Variants in BRF1 observed in about 807,000 individuals in gnomAD.
The protein encoded by BRF1 is transcription factor IIIB 90 kDa subunit.
In BRF1, 59 loss-of-function variants were observed where a neutral mutation model predicts 81.7. The ratio of observed to expected loss-of-function variants is 0.72; its 90% CI spans 0.59 to 0.90. The LOEUF is 0.90. Among genes scored for constraint, BRF1 ranks in the 40% least tolerant of loss-of-function variants. The probability of loss-of-function intolerance (pLI) is 0.00; values close to 1 mark genes in which losing one functional copy is unlikely to be tolerated. For missense variants in BRF1, 1,050 were observed against 936.3 expected, an observed-to-expected ratio of 1.12 and a Z score of -1.58; for synonymous variants, 491 against 395.6, an observed-to-expected ratio of 1.24 and a Z score of -2.86.
Position 105,286,444 on chromosome 14 carries a change from T to C in BRF1, c.185-68A>G. 7.4e-6 allele frequency: 11 copies of C among 1,482,764 alleles called. No individual in the cohort carries two copies. In the South Asian group the frequency reaches 1.3e-4, roughly 18 times the overall value. The allele number at this position is 1,482,764 out of a possible 1,614,324, so 91.9% of individuals were successfully genotyped here. A position where few individuals can be genotyped will look rare whatever the true frequency, so the allele number is the denominator to read the frequency against. On this transcript the variant is annotated intron_variant, in intron 1 of 17. Coordinates refer to ENST00000547530, the MANE Select transcript of BRF1 (RefSeq NM_001519.4). Reference sequence around the variant, plus strand: ...CTGCATTTACAACCCTTTCCTAACATCCACAGACACAAAGTGAGAACAAAG... The same window carrying C: ...CTGCATTTACAACCCTTTCCTAACACCCACAGACACAAAGTGAGAACAAAG...
Position 105,271,862 on chromosome 14 carries a change from C to A in BRF1, c.439+859G>T, listed in dbSNP as rs1486111946. On this transcript the variant is annotated intron_variant, in intron 3 of 17. Coordinates refer to ENST00000547530, the MANE Select transcript of BRF1 (RefSeq NM_001519.4). The surrounding 1 kb of genome is among the most constrained non-coding windows in gnomAD (Gnocchi z 5.5). ...AGCCTCCCCGCCCACCGCCTGCAGT[C>A]ACGGTGTCCACGCACAAGGCCAAGC... Among the ~76,000 whole-genome samples the A allele has an allele frequency of 6.7e-6, 1 of 149,130 alleles. No individual in the cohort carries two copies. Among genetic ancestry groups the A allele is most frequent in the Non-Finnish European group, 1.5e-5 (1 of 67,168 alleles).
intron 2 of BRF1, among the ~76,000 whole-genome samples, chr14:105,273,310 C>T (rs1453349461): frequency 6.6e-6 from 1 of 152,234 alleles, no homozygotes; most frequent in Non-Finnish European, 1.5e-5. Context: ...CCTTCCCCAA[C>T]CGCACAGAGT....
At chr14:105,270,706 G>C (rs2056618352) in intron 3 of BRF1, among the ~76,000 whole-genome samples, 1 of 151,790 alleles carries the variant, frequency 6.6e-6, no homozygotes, top group Non-Finnish European at 1.5e-5. Context: ...CACAAGAATT[G>C]CTTGAACCTG....
At chr14:105,227,196 A>C (rs1313222876) in intron 7 of BRF1, 1 of 192,068 alleles carries the variant, frequency 5.2e-6, no homozygotes, top group Non-Finnish European at 1.0e-5. Context: ...AAGTGGTAGG[A>C]TCACCTGAGG....
rs1240586933 is a variant in BRF1, at chr14:105,212,250, C to T, written c.1773-86G>A. 4.6e-6 allele frequency: 7 copies of T among 1,515,516 alleles called. 1 individual carries two copies. In the South Asian group the frequency reaches 8.5e-5, roughly 18 times the overall value. 93.9% of individuals were successfully genotyped at this position (1,515,516 alleles called of 1,614,324 possible). On this transcript the variant is annotated intron_variant, in intron 15 of 17. Transcript: ENST00000547530. ...TTCCCTTTTGCCCATCTTCCCTTTC[C>T]CAGTGTTAATTGACTGTTTCTCTGT... is the stretch of plus-strand genomic sequence containing the variant.
rs1219924443 is a variant in BRF1, at chr14:105,249,627, C to T, written c.544+2880G>A. 7.5e-6 allele frequency: 12 copies of T among 1,598,498 alleles called. No individual in the cohort carries two copies. In the Admixed American group the frequency reaches 1.7e-4, roughly 23 times the overall value. On this transcript the variant is annotated intron_variant, in intron 5 of 17. Transcript: ENST00000547530. The stretch of plus-strand genomic sequence containing the variant: ...TGGGAGCCAGCCCCTGACGCGGGCC[C>T]TGCCTCGCCTAGGTACATGTACAGT...
At chr14:105,252,272 T>C (rs144109010) in intron 5 of BRF1, 297 of 698,574 alleles carry the variant, frequency 4.3e-4, no homozygotes, top group Non-Finnish European at 5.1e-4. Flanking sequence ...GCCAGGAGTT[T>C]GAGGCTGCAG....
At chr14:105,290,270 T>C (rs982760432) in intron 1 of BRF1, among the ~76,000 whole-genome samples, 3 of 151,944 alleles carry the variant, frequency 2.0e-5, no homozygotes, top group African/African-American at 7.2e-5. Flanking sequence ...AAATATGAAA[T>C]TACCCAGGCA....
rs374999456 is a variant in BRF1 at position 105,220,135 on chromosome 14, A to C, written c.1316-5T>G. Reference sequence around the variant, plus strand: ...CACCGTCTCCTGAAGCATCTTCTGGAGGGAAGCACAGCATCCGCGTCACTC... The same window carrying C: ...CACCGTCTCCTGAAGCATCTTCTGGCGGGAAGCACAGCATCCGCGTCACTC... On this transcript the variant is annotated splice_region_variant and splice_polypyrimidine_tract_variant and intron_variant, in intron 11 of 17. Transcript: ENST00000547530. 1.9e-6 allele frequency: 3 copies of C among 1,613,252 alleles called. No individual in the cohort carries two copies. The African/African-American group carries it at 4.0e-5, about 22-fold the overall frequency.
intron 4 of BRF1, among the ~76,000 whole-genome samples, chr14:105,254,280 G>A (rs894297912): frequency 1.3e-5 from 2 of 152,078 alleles, no homozygotes; most frequent in Admixed American, 6.6e-5. Flanking sequence ...TTTTTGAGAC[G>A]GAGTCTTGCT....
chr14:105,214,291 A>G (rs1399227334), intron 15 of BRF1, among the ~76,000 whole-genome samples: 1 of 152,250 alleles, frequency 6.6e-6, no homozygotes, highest in African/African-American at 2.4e-5. Flanking sequence ...TGGGACGCTC[A>G]GGCATGAGGA....
At chr14:105,212,196 G>A in intron 15 of BRF1, 32 bp from the exon 16 acceptor site, 2 of 1,603,612 alleles carry the variant, frequency 1.2e-6, no homozygotes, top group Non-Finnish European at 1.7e-6. Flanking sequence ...GGCGGCCTCA[G>A]CCCAGGCTCC....
chr14:105,225,524 A>C (rs1356986816), intron 10 of BRF1, among the ~76,000 whole-genome samples: 3 of 152,208 alleles, frequency 2.0e-5, no homozygotes, highest in African/African-American at 7.2e-5. Context: ...TTCCAACCTG[A>C]CTCTAGTACA....
chr14:105,272,734 C>T lies in BRF1; in HGVS notation c.426G>A (p.Thr142=), dbSNP rs905891753. The change falls in exon 3 of 18, where the codon ACG becomes ACA. Residue 142 remains threonine (T), a synonymous_variant. Transcript: ENST00000547530. ...ACCAAAGGATACGCGGCGTGCCCTC[C>T]GTACGGCAGACCAGGTAGAGGCAGG... ...IAACLYLVCR[T]EGTPHMLLDL... is the part of the protein sequence containing the mutation. 25 of 1,612,106 alleles carry T rather than the reference C, an allele frequency of 1.6e-5. No homozygotes were observed. The highest frequency in any genetic ancestry group is 4.5e-5 in the East Asian group (2 of 44,816).
At chr14:105,211,415 C>T (rs1890094648) in intron 16 of BRF1, 122 bp from the exon 17 acceptor site, 6 of 979,096 alleles carry the variant, frequency 6.1e-6, no homozygotes, top group Middle Eastern at 2.9e-4. Flanking sequence ...CAGTGGCTCC[C>T]GGGGTTGGCC....
intron 10 of BRF1, among the ~76,000 whole-genome samples, chr14:105,224,739 G>A (rs2141535552): frequency 6.6e-6 from 1 of 152,234 alleles, no homozygotes; most frequent in Non-Finnish European, 1.5e-5. Context: ...GTAGAGATGG[G>A]GTCTCACTAT....
In BRF1 at chr14:105,300,464, G is replaced by T. The variant is rs1262856470; in HGVS notation, c.166C>A (p.Gln56Lys). 6.5e-7 allele frequency: 1 copy of T among 1,531,910 alleles called. No homozygotes were observed. Among genetic ancestry groups the T allele is most frequent in the Admixed American group, 2.0e-5 (1 of 50,534 alleles). The allele number at this position is 1,531,910 out of a possible 1,614,324, so 94.9% of individuals were successfully genotyped here. A position where few individuals can be genotyped will look rare whatever the true frequency, so the allele number is the denominator to read the frequency against. ...SSGGGSSAVG[Q>K]FVSLDGAGKT... Reference sequence around the variant, plus strand: ...GACTCACCGTCCAGGGACACGAACTGGCCCACGGCCGAGGAGCCGCCGCCG... The same window carrying T: ...GACTCACCGTCCAGGGACACGAACTTGCCCACGGCCGAGGAGCCGCCGCCG... Residue 56 changes from glutamine to lysine, a missense_variant, in exon 1 of 18, where the codon CAG becomes AAG. Physicochemically the swap from Gln to Lys is moderately conservative, Grantham distance 53. Coordinates refer to ENST00000547530, the MANE Select transcript of BRF1 (RefSeq NM_001519.4).
At chr14:105,252,319 A>ACTCC (rs2055660856) in intron 5 of BRF1, 188 bp downstream of exon 5, 1 of 962,008 alleles carries the variant, frequency 1.0e-6, no homozygotes, top group East Asian at 1.2e-4. Context: ...CAGCCTGGAC[A>ACTCC]ACAGCGAGAC....
intron 4 of BRF1, 174 bp downstream of exon 4, chr14:105,256,344 C>T (rs933212999): frequency 1.3e-6 from 2 of 1,555,890 alleles, no homozygotes; most frequent in Non-Finnish European, 8.7e-7. Flanking sequence ...ACTGTGACCC[C>T]CATGTCATGA....
Sources: gnomAD v4.1 joint callset for allele counts (sites outside exome capture counted in the v4.1 genomes callset) on GRCh38, gnomAD v4.1.1 for gene constraint, Gnocchi (gnomAD v3.1) non-coding constraint, MANE v1.5 for transcripts, NCBI Gene and HGNC (gene_info 2026-07-23, HGNC 2026-07-21) for gene names.